Variants in REPS2 observed in about 807,000 individuals in gnomAD.
REPS2 encodes the protein RALBP1 associated Eps domain containing 2, also known as ralBP1-associated Eps domain-containing protein 2.
Under a neutral mutation model 53.6 loss-of-function variants are expected in REPS2, and 23 were observed. That is an observed-to-expected ratio of 0.43 (90% CI 0.31 to 0.61). The LOEUF is 0.61. Among genes scored for constraint, REPS2 ranks in the 20% least tolerant of loss-of-function variants. The probability of loss-of-function intolerance (pLI) is 0.11; values close to 1 mark genes in which losing one functional copy is unlikely to be tolerated. For missense variants in REPS2, 446 were observed against 534.9 expected, an observed-to-expected ratio of 0.83 and a Z score of 1.64; for synonymous variants, 238 against 218.6, an observed-to-expected ratio of 1.09 and a Z score of -0.78.
At chrX:17,004,314 A>G (rs1472502053) in intron 1 of REPS2, among the ~76,000 whole-genome samples, 1 of 110,664 alleles carries the variant, frequency 9.0e-6, no homozygotes, top group Non-Finnish European at 1.9e-5. Context: ...TTTAGATACC[A>G]TTAAGCATTT....
downstream of REPS2, among the ~76,000 whole-genome samples, chrX:17,154,755 A>G (rs1312737679): frequency 8.9e-6 from 1 of 112,669 alleles, no homozygotes; most frequent in African/African-American, 3.2e-5. Context: ...CAATTATCTG[A>G]CAAAAGTTAA....
chrX:17,088,684 C>T (rs768856226), intron 13 of REPS2, among the ~76,000 whole-genome samples: 16 of 107,213 alleles, frequency 1.5e-4, no homozygotes, highest in African/African-American at 4.1e-4. Flanking sequence ...TGCAGGTTCA[C>T]GCTGTTCTCC....
At chrX:17,155,736 T>A (rs1010209099), downstream of REPS2, among the ~76,000 whole-genome samples, 35 of 112,009 alleles carry the variant, frequency 3.1e-4, no homozygotes, top group Non-Finnish European at 5.3e-4. Flanking sequence ...AACCTGCTAG[T>A]TTAATTTGTT....
intron 3 of REPS2, among the ~76,000 whole-genome samples, chrX:17,024,199 A>AT (rs2061609566): frequency 9.3e-6 from 1 of 108,086 alleles, no homozygotes; most frequent in African/African-American, 3.4e-5. Context: ...AGGTGGGAGG[A>AT]TTGCTTGAGC....
At chrX:17,190,485 T>C in the REPS2 span, among the ~76,000 whole-genome samples, 6 of 112,164 alleles carry the variant, frequency 5.3e-5, no homozygotes, top group Non-Finnish European at 1.1e-4. Context: ...TCTAAACAAA[T>C]GGGAACACAT....
intron 13 of REPS2, among the ~76,000 whole-genome samples, chrX:17,101,915 C>T (rs756032956): frequency 2.7e-5 from 3 of 111,788 alleles, no homozygotes; most frequent in Non-Finnish European, 5.6e-5. Context: ...AATTAAATGG[C>T]TCATCATTTC....
At chrX:17,159,482 C>T in the REPS2 span, among the ~76,000 whole-genome samples, 2 of 111,068 alleles carry the variant, frequency 1.8e-5, no homozygotes, top group South Asian at 7.7e-4. Context: ...AAGGATGGCA[C>T]CCTGGAAGCA....
chrX:17,173,674 T>C, the REPS2 span, among the ~76,000 whole-genome samples: 2 of 112,151 alleles, frequency 1.8e-5, no homozygotes, highest in Non-Finnish European at 3.8e-5. Context: ...CCACACTATT[T>C]CTGCTTTTGA....
At chrX:17,139,537 C>T (rs1429220077) in intron 17 of REPS2, among the ~76,000 whole-genome samples, 3 of 111,022 alleles carry the variant, frequency 2.7e-5, no homozygotes, top group East Asian at 2.8e-4. Context: ...GTTAGTTTCT[C>T]GGGGCTGCTA....
At chrX:17,019,954 T>C (rs2061550053) in intron 2 of REPS2, among the ~76,000 whole-genome samples, 1 of 112,588 alleles carries the variant, frequency 8.9e-6, no homozygotes, top group Admixed American at 9.4e-5. Flanking sequence ...AGAATATTAT[T>C]ATGTATGGTT....
At chrX:17,181,835 T>A in the REPS2 span, among the ~76,000 whole-genome samples, 1 of 112,198 alleles carries the variant, frequency 8.9e-6, no homozygotes, top group African/African-American at 3.2e-5. Context: ...GGCCTGTGAC[T>A]TTTTGTTCAC....
the REPS2 span, among the ~76,000 whole-genome samples, chrX:17,187,146 C>T: frequency 8.9e-6 from 1 of 112,128 alleles, no homozygotes; most frequent in African/African-American, 3.2e-5. Flanking sequence ...TGACCCCGAT[C>T]CCATTCCTAG....
the REPS2 span, among the ~76,000 whole-genome samples, chrX:17,195,047 C>T: frequency 6.2e-5 from 7 of 112,057 alleles, no homozygotes; most frequent in East Asian, 1.9e-3. Flanking sequence ...CAGGACAAAT[C>T]CTGACTTGAG....
At chrX:17,025,232 A>T (rs1312994960) in intron 4 of REPS2, 47 bp downstream of exon 4, 1 of 1,124,760 alleles carries the variant, frequency 8.9e-7, no homozygotes, top group Admixed American at 2.9e-5. Flanking sequence ...TGTCTTAGAG[A>T]CTCCTTAATT....
At chrX:17,186,020 A>C in the REPS2 span, among the ~76,000 whole-genome samples, 1 of 112,510 alleles carries the variant, frequency 8.9e-6, no homozygotes, top group African/African-American at 3.2e-5. Context: ...GTGGAATTAG[A>C]ATGAAGTTAC....
chrX:17,043,651 T>A (rs2147901050), intron 5 of REPS2, among the ~76,000 whole-genome samples: 1 of 112,310 alleles, frequency 8.9e-6, no homozygotes, highest in South Asian at 3.7e-4. Flanking sequence ...CTACTTTCTC[T>A]TCTCATTGGC....
At chrX:16,968,814 G>A (rs1485261474) in intron 1 of REPS2, among the ~76,000 whole-genome samples, 8 of 106,756 alleles carry the variant, frequency 7.5e-5, no homozygotes, top group Non-Finnish European at 1.6e-4. Context: ...GTGGCTGGCC[G>A]GGCGGGGGGC....
At chrX:17,118,615 T>G (rs1251511577) in intron 14 of REPS2, among the ~76,000 whole-genome samples, 1 of 112,167 alleles carries the variant, frequency 8.9e-6, no homozygotes, top group Non-Finnish European at 1.9e-5. Flanking sequence ...TGCTAGAAAT[T>G]TAATAAGCAT....
intron 3 of REPS2, among the ~76,000 whole-genome samples, chrX:17,023,156 G>A (rs960926058): frequency 7.3e-4 from 82 of 112,646 alleles, no homozygotes; most frequent in African/African-American, 2.5e-3. Flanking sequence ...GGCTGGGCAC[G>A]GTGGCTCACG....
Sources: gnomAD v4.1 joint callset for allele counts (sites outside exome capture counted in the v4.1 genomes callset) on GRCh38, gnomAD v4.1.1 for gene constraint, MANE v1.5 for transcripts, NCBI Gene and HGNC (gene_info 2026-07-23, HGNC 2026-07-21) for gene names.